The following SRBD1 variants were observed in gnomAD, a reference collection of about 807,000 sequenced individuals.
SRBD1 encodes S1 RNA-binding domain-containing protein 1.
A neutral mutation model predicts 115.3 loss-of-function variants in SRBD1; 88 were observed. The observed-to-expected ratio is 0.76, with a 90% CI of 0.64 to 0.91. The LOEUF is 0.91. Ranked by LOEUF, SRBD1 falls within the 40% of genes least tolerant of loss-of-function variation. The pLI is 0.00. For missense variants in SRBD1, 1,385 were observed against 1,177.4 expected (o/e 1.18, Z -2.58); for synonymous variants, 509 against 407.7 (o/e 1.25, Z -2.99).
chr2:45,419,950 T>A, intron 16 of SRBD1, 56 bp from the exon 17 acceptor site: 1 of 1,468,186 alleles, frequency 6.8e-7, no homozygotes, highest in Non-Finnish European at 9.5e-7. Context: ...CTTGGACTAT[T>A]CCATTACTCT....
intron 9 of SRBD1, among the ~76,000 whole-genome samples, chr2:45,565,705 T>C (rs903272047): frequency 1.3e-5 from 2 of 152,226 alleles, no homozygotes; most frequent in African/African-American, 4.8e-5. Context: ...ACAAAAATTT[T>C]TGCAAATCAT....
chr2:45,446,937 T>C (rs1668842898), intron 16 of SRBD1, among the ~76,000 whole-genome samples: 1 of 152,212 alleles, frequency 6.6e-6, no homozygotes, highest in East Asian at 1.9e-4. Context: ...TTTTTCAACA[T>C]GCATGAACTT....
chr2:45,480,897 A>G lies in SRBD1; in HGVS notation c.1967-3822T>C, dbSNP rs529130255. 2.0e-5 allele frequency among the ~76,000 whole-genome samples: 3 copies of G among 152,350 alleles called. No individual in the cohort carries two copies. In the East Asian group the frequency reaches 5.8e-4, roughly 29 times the overall value. On this transcript the variant is annotated intron_variant, in intron 15 of 20. Coordinates refer to ENST00000263736, the MANE Select transcript of SRBD1 (RefSeq NM_018079.5). Reference sequence around the variant, plus strand: ...TACTGAATGTAAAAGGCTACCAAACAGCATCACATGCTACAGAGAAACCTT... The same window carrying G: ...TACTGAATGTAAAAGGCTACCAAACGGCATCACATGCTACAGAGAAACCTT...
intron 19 of SRBD1, among the ~76,000 whole-genome samples, chr2:45,402,558 G>A (rs748875752): frequency 7.9e-5 from 12 of 152,150 alleles, no homozygotes; most frequent in Non-Finnish European, 1.0e-4. Context: ...TGCTACACAG[G>A]CTGTTAACCA....
chr2:45,498,650 C>T (rs1670533622), intron 14 of SRBD1, among the ~76,000 whole-genome samples: 1 of 152,080 alleles, frequency 6.6e-6, no homozygotes, highest in East Asian at 1.9e-4. Flanking sequence ...TTCTATATAA[C>T]TTCTTCATGC....
intron 4 of SRBD1, among the ~76,000 whole-genome samples, chr2:45,592,121 TTGC>T (rs1182994339): frequency 6.6e-6 from 1 of 152,182 alleles, no homozygotes; most frequent in Non-Finnish European, 1.5e-5. Flanking sequence ...TCATTTTCTC[TTGC>T]TGCTGCCATG....
intron 18 of SRBD1, among the ~76,000 whole-genome samples, chr2:45,415,590 T>C (rs986333007): frequency 7.3e-6 from 1 of 136,690 alleles, no homozygotes; most frequent in African/African-American, 2.7e-5. Flanking sequence ...AACAAAAATA[T>C]ACATAAAATA....
At chr2:45,389,738 G>A (rs1666946308) in intron 20 of SRBD1, 139 bp from the exon 21 acceptor site, 1 of 823,596 alleles carries the variant, frequency 1.2e-6, no homozygotes, top group Non-Finnish European at 1.8e-6. Flanking sequence ...AGGAGCTGCA[G>A]ACCAACGCTT....
At chr2:45,459,088 G>A (rs1349208172) in intron 16 of SRBD1, among the ~76,000 whole-genome samples, 8 of 152,064 alleles carry the variant, frequency 5.3e-5, no homozygotes, top group Admixed American at 2.6e-4. Flanking sequence ...TTGCTGCTGT[G>A]TTTGTTTTTA....
chr2:45,500,294 T>C (rs920870364), intron 14 of SRBD1, among the ~76,000 whole-genome samples: 2 of 151,876 alleles, frequency 1.3e-5, no homozygotes, highest in African/African-American at 2.4e-5. Flanking sequence ...TGTGTGTGTG[T>C]GTGTGTATGT....
chr2:45,556,448 CTTTTTTTTT>C lies in SRBD1; in HGVS notation c.1410-2727_1410-2719del, dbSNP rs59284495. On this transcript the variant is annotated intron_variant, in intron 10 of 20. Transcript: ENST00000263736. ...ATCTGTTCTGCTCTATGCTCTATTA[CTTTTTTTTT>C]TTTTTTTTTTTTTTTTTTGAGACAG... Among the ~76,000 whole-genome samples, 558 of 78,824 alleles carry C rather than the reference CTTTTTTTTT, an allele frequency of 7.1e-3. 10 individuals are homozygous for C. Among genetic ancestry groups the C allele is most frequent in the Admixed American group, 1.0e-2 (54 of 5,416 alleles). The allele number at this position is 78,824 out of a possible 152,430, so 51.7% of individuals were successfully genotyped here.
intron 16 of SRBD1, among the ~76,000 whole-genome samples, chr2:45,472,635 C>T (rs1474922122): frequency 6.6e-6 from 1 of 152,176 alleles, no homozygotes. Context: ...TGCGTGTCAC[C>T]ATGCCTAGCT....
At chr2:45,425,260 T>C (rs954039302) in intron 16 of SRBD1, among the ~76,000 whole-genome samples, 6 of 152,226 alleles carry the variant, frequency 3.9e-5, no homozygotes, top group Non-Finnish European at 8.8e-5. Context: ...CTTGAGATTT[T>C]ACTGTCAGGC....
chr2:45,474,115 T>A (rs939039827), intron 16 of SRBD1, among the ~76,000 whole-genome samples: 4 of 152,234 alleles, frequency 2.6e-5, no homozygotes, highest in African/African-American at 9.6e-5. Flanking sequence ...TTGATTGGTT[T>A]GAATTCATTT....
intron 18 of SRBD1, among the ~76,000 whole-genome samples, chr2:45,414,814 ATATAGTGTGTATATAGTATG>A (rs1667750368): frequency 3.4e-5 from 1 of 29,430 alleles, no homozygotes; most frequent in African/African-American, 1.4e-4. Flanking sequence ...GTACACACAC[ATATAGTGTGTATATAGTATG>A]TACACACACA....
chr2:45,555,010 T>C (rs557734496), intron 10 of SRBD1, among the ~76,000 whole-genome samples: 5 of 151,736 alleles, frequency 3.3e-5, no homozygotes, highest in African/African-American at 9.7e-5. Flanking sequence ...ACAGTTTCCA[T>C]ATGCTGATGA....
intron 16 of SRBD1, among the ~76,000 whole-genome samples, chr2:45,461,342 G>C (rs1669310273): frequency 1.3e-5 from 2 of 152,108 alleles, no homozygotes; most frequent in Non-Finnish European, 2.9e-5. Flanking sequence ...GTTGGTACTT[G>C]GCACATCTGG....
chr2:45,391,905 A>G (rs1667014528), intron 20 of SRBD1, among the ~76,000 whole-genome samples: 1 of 152,214 alleles, frequency 6.6e-6, no homozygotes, highest in South Asian at 2.1e-4. Flanking sequence ...GGGTGCAGCC[A>G]TACCACCTCC....
intron 15 of SRBD1, among the ~76,000 whole-genome samples, chr2:45,482,272 G>A (rs530385118): frequency 7.9e-4 from 120 of 152,100 alleles, no homozygotes; most frequent in Middle Eastern, 3.4e-3. Flanking sequence ...TTGACAAAAA[G>A]GGAAGATATA....
Sources: allele counts gnomAD v4.1 joint callset (sites outside exome capture counted in the v4.1 genomes callset), GRCh38; gene constraint gnomAD v4.1.1; transcripts MANE v1.5; gene names NCBI Gene and HGNC (gene_info 2026-07-23, HGNC 2026-07-21).